The following SGCD variants were observed in gnomAD, a reference collection of about 807,000 sequenced individuals.
SGCD encodes the protein delta-sarcoglycan.
A neutral mutation model predicts 36.6 loss-of-function variants in SGCD; 18 were observed. The observed-to-expected ratio is 0.49, with a 90% CI of 0.34 to 0.73. SGCD has a LOEUF of 0.73. Ranked by LOEUF, SGCD falls within the 30% of genes least tolerant of loss-of-function variation. SGCD has a pLI of 0.01. For synonymous variants in SGCD, 133 were observed against 130.6 expected, an observed-to-expected ratio of 1.02 and a Z score of -0.12; for missense variants, 387 against 346.7, an observed-to-expected ratio of 1.12 and a Z score of -0.92.
intron 2 of SGCD, among the ~76,000 whole-genome samples, chr5:156,336,611 A>C (rs1389508034): frequency 6.6e-6 from 1 of 152,184 alleles, no homozygotes; most frequent in East Asian, 1.9e-4. Flanking sequence ...CATTATGTAA[A>C]ATATGCTCTT....
At chr5:155,953,086 G>T (rs1416508365) in intron 1 of SGCD, among the ~76,000 whole-genome samples, 1 of 151,858 alleles carries the variant, frequency 6.6e-6, no homozygotes, top group Non-Finnish European at 1.5e-5. Context: ...GACCTCACTC[G>T]CCCAGTTATC....
At chr5:155,977,401 G>T (rs986728599) in intron 1 of SGCD, among the ~76,000 whole-genome samples, 1 of 152,124 alleles carries the variant, frequency 6.6e-6, no homozygotes, top group Non-Finnish European at 1.5e-5. Context: ...CTTAATATTT[G>T]ATAGACTATA....
the SGCD span, among the ~76,000 whole-genome samples, chr5:155,728,745 A>C: frequency 6.6e-6 from 1 of 151,938 alleles, no homozygotes; most frequent in Non-Finnish European, 1.5e-5. Flanking sequence ...CAGAGCCGCC[A>C]ACTTCCCTGT....
chr5:156,324,985 T>C (rs77723579), upstream of SGCD, among the ~76,000 whole-genome samples: 5,782 of 152,222 alleles, frequency 0.038, 342 homozygotes, highest in African/African-American at 0.13. Context: ...AACATTGTAA[T>C]TGTTAATAGT....
At chr5:156,405,514 T>A (rs1003455814) in intron 3 of SGCD, among the ~76,000 whole-genome samples, 36 of 152,320 alleles carry the variant, frequency 2.4e-4, no homozygotes, top group African/African-American at 8.4e-4. Context: ...TTATAGGGTT[T>A]GTTTGGGAAT....
intron 3 of SGCD, among the ~76,000 whole-genome samples, chr5:156,317,157 A>G (rs888825440): frequency 6.6e-6 from 1 of 152,138 alleles, no homozygotes; most frequent in African/African-American, 2.4e-5. Context: ...CTATTTAAAT[A>G]TCAACTAATG....
At position 156,229,247 on chromosome 5, in the gene SGCD, T is replaced by C. The variant is rs553510346; in HGVS notation, c.-43-100287T>C. On this transcript the variant is annotated intron_variant, in intron 3 of 9. Coordinates refer to the SGCD transcript ENST00000517913. Reference sequence around the variant, plus strand: ...TTATATACATATACATACATATATATATATACATACATACATATATATATA... The same window carrying C: ...TTATATACATATACATACATATATACATATACATACATACATATATATATA... Among the ~76,000 whole-genome samples the C allele has an allele frequency of 3.9e-5, 5 of 127,048 alleles. No homozygotes were observed. The South Asian group carries it at 7.5e-4, about 19-fold the overall frequency. 83.3% of individuals were successfully genotyped at this position (127,048 alleles called of 152,430 possible).
At chr5:155,925,519 A>G (rs991784860) in intron 1 of SGCD, among the ~76,000 whole-genome samples, 1 of 152,116 alleles carries the variant, frequency 6.6e-6, no homozygotes, top group Admixed American at 6.6e-5. Flanking sequence ...CGTCACTCCA[A>G]TCAGACTCTG....
the SGCD span, among the ~76,000 whole-genome samples, chr5:155,829,986 A>G: frequency 6.6e-6 from 1 of 152,196 alleles, no homozygotes; most frequent in Admixed American, 6.5e-5. Context: ...CAAAGTAACA[A>G]TATGTAGTAG....
rs111642850 is a variant in SGCD, at chr5:156,149,992, C to T, written c.-44+25973C>T. Among the ~76,000 whole-genome samples, 321 of 152,314 alleles carry T rather than the reference C, an allele frequency of 2.1e-3. 1 individual carries two copies. The highest frequency in any genetic ancestry group is 3.7e-3 in the Admixed American group (56 of 15,304). On this transcript the variant is annotated intron_variant, in intron 3 of 9. Transcript: ENST00000517913. The stretch of plus-strand genomic sequence containing the variant: ...TGGTCTCCCTGCAGCCATCCTTGTT[C>T]TCTCCTCTGTTCTCCACCCAGCAGC...
chr5:155,883,818 A>T (rs1322862675), intron 1 of SGCD, among the ~76,000 whole-genome samples: 2 of 150,926 alleles, frequency 1.3e-5, no homozygotes, highest in Non-Finnish European at 2.9e-5. Context: ...AAAAAAAGAA[A>T]AGCACTATTT....
chr5:156,094,326 G>A (rs1468929852), intron 1 of SGCD, among the ~76,000 whole-genome samples: 1 of 152,142 alleles, frequency 6.6e-6, no homozygotes, highest in Non-Finnish European at 1.5e-5. Flanking sequence ...TTAAAAGGGT[G>A]AGATCTTCCT....
Position 156,682,157 on chromosome 5 carries a change from A to G in SGCD, c.575+34621A>G, listed in dbSNP as rs1425190307. On this transcript the variant is annotated intron_variant, in intron 7 of 8. Coordinates refer to ENST00000337851, the MANE Select transcript of SGCD (RefSeq NM_000337.6). ...GTACATGTTACTGACTTATTCAAGG[A>G]TTTGTAACTTAAAAAGAGAGAAAAG... is the stretch of plus-strand genomic sequence containing the variant. Among the ~76,000 whole-genome samples, 4 of 152,202 alleles carry G rather than the reference A, an allele frequency of 2.6e-5. No homozygotes were observed. The East Asian group carries it at 7.7e-4, about 29-fold the overall frequency.
chr5:156,559,120 C>G (rs1410348753), intron 4 of SGCD, among the ~76,000 whole-genome samples: 2 of 152,160 alleles, frequency 1.3e-5, no homozygotes, highest in Non-Finnish European at 1.5e-5. Flanking sequence ...GATTTCTCAT[C>G]TGTACAATGA....
At chr5:156,527,353 A>G (rs891745503) in intron 4 of SGCD, among the ~76,000 whole-genome samples, 13 of 152,218 alleles carry the variant, frequency 8.5e-5, no homozygotes, top group African/African-American at 1.2e-4. Context: ...AGTCCATAGC[A>G]TCCCAGGAGT....
chr5:156,585,320 T>C (rs1212651200), intron 4 of SGCD, among the ~76,000 whole-genome samples: 5 of 152,178 alleles, frequency 3.3e-5, no homozygotes, highest in Admixed American at 3.3e-4. Flanking sequence ...TTGCTATGCT[T>C]TTAAAAGGAT....
chr5:155,801,856 G>C, the SGCD span, among the ~76,000 whole-genome samples: 223 of 152,264 alleles, frequency 1.5e-3, no homozygotes, highest in Non-Finnish European at 2.6e-3. Flanking sequence ...TAACCCTTTT[G>C]TTCCTGTTAC....
chr5:155,784,278 T>A, the SGCD span, among the ~76,000 whole-genome samples: 2 of 152,002 alleles, frequency 1.3e-5, no homozygotes, highest in Non-Finnish European at 2.9e-5. Context: ...GGATTGGAAA[T>A]AGACAGGGCA....
intron 7 of SGCD, among the ~76,000 whole-genome samples, chr5:156,711,148 T>C (rs768918641): frequency 3.3e-5 from 5 of 152,088 alleles, no homozygotes; most frequent in Non-Finnish European, 5.9e-5. Context: ...CCCCTTCCCA[T>C]CATGGCCTGA....
Sources: allele counts gnomAD v4.1 joint callset (sites outside exome capture counted in the v4.1 genomes callset), GRCh38; gene constraint gnomAD v4.1.1; transcripts MANE v1.5; gene names NCBI Gene and HGNC (gene_info 2026-07-23, HGNC 2026-07-21).